The following ADAMTS20 variants were observed in gnomAD, a reference collection of about 807,000 sequenced individuals.
The protein encoded by ADAMTS20 is A disintegrin and metalloproteinase with thrombospondin motifs 20.
Under a neutral mutation model 260.1 loss-of-function variants are expected in ADAMTS20, and 225 were observed. The ratio of observed to expected loss-of-function variants is 0.87; its 90% CI spans 0.78 to 0.97. The LOEUF (loss-of-function observed/expected upper bound fraction) is 0.97. Among genes scored for constraint, ADAMTS20 ranks in the 50% least tolerant of loss-of-function variants. The probability of loss-of-function intolerance (pLI) is 0.00; values close to 1 mark genes in which losing one functional copy is unlikely to be tolerated. For missense variants in ADAMTS20, 2,400 were observed against 2,337.7 expected (o/e 1.03, Z -0.55); for synonymous variants, 802 against 769.5 (o/e 1.04, Z -0.70).
At chr12:43,550,827 C>T in intron 2 of ADAMTS20, 82 bp downstream of exon 2, 1 of 1,444,604 alleles carries the variant, frequency 6.9e-7, no homozygotes, top group East Asian at 2.5e-5. Context: ...CAGCCACCAA[C>T]TCGAAAACCC....
chr12:43,356,842 C>T (rs753690445), intron 37 of ADAMTS20, among the ~76,000 whole-genome samples: 5 of 152,172 alleles, frequency 3.3e-5, no homozygotes, highest in Non-Finnish European at 1.5e-5. Flanking sequence ...CTACACGTTC[C>T]ATTTTTGACC....
intron 14 of ADAMTS20, among the ~76,000 whole-genome samples, chr12:43,448,906 T>G (rs1361715501): frequency 6.6e-6 from 1 of 152,120 alleles, no homozygotes; most frequent in Non-Finnish European, 1.5e-5. Context: ...CACTGATCAT[T>G]AGAGAAATGC....
At chr12:43,526,068 A>T (rs1448120077) in intron 3 of ADAMTS20, among the ~76,000 whole-genome samples, 3 of 152,260 alleles carry the variant, frequency 2.0e-5, no homozygotes, top group Admixed American at 2.0e-4. Flanking sequence ...CCAAAACTGC[A>T]GAATACACAT....
chr12:43,535,241 T>C (rs1215208163), intron 2 of ADAMTS20, among the ~76,000 whole-genome samples: 1 of 152,198 alleles, frequency 6.6e-6, no homozygotes, highest in Non-Finnish European at 1.5e-5. Context: ...CTGAAGAGAC[T>C]ATCTGAGATC....
Position 43,368,508 on chromosome 12 carries a change from A to G in ADAMTS20, c.5538+782T>C, listed in dbSNP as rs116472650. Among the ~76,000 whole-genome samples, 628 of 152,252 alleles carry G rather than the reference A, an allele frequency of 4.1e-3. 6 individuals are homozygous for G. The highest frequency in any genetic ancestry group is 0.014 in the African/African-American group (598 of 41,558). ...TATAAGCGTAACTTAGATGTCATAT[A>G]ATGAAAATTATAAATGGAATAGTCT... On this transcript the variant is annotated intron_variant, in intron 37 of 38. Coordinates refer to ENST00000389420, the MANE Select transcript of ADAMTS20 (RefSeq NM_025003.5).
At chr12:43,471,350 C>T (rs1478293512) in intron 7 of ADAMTS20, among the ~76,000 whole-genome samples, 3 of 145,906 alleles carry the variant, frequency 2.1e-5, no homozygotes, top group Non-Finnish European at 4.5e-5. Context: ...CACGGAGTCT[C>T]GCTGTTTGCT....
intron 37 of ADAMTS20, among the ~76,000 whole-genome samples, chr12:43,365,743 G>A (rs1939969952): frequency 6.6e-6 from 1 of 151,824 alleles, no homozygotes; most frequent in Admixed American, 6.6e-5. Flanking sequence ...AACAAACATA[G>A]CAGAAAAAGA....
rs769482588 is a variant in ADAMTS20 at position 43,430,449 on chromosome 12, C to T, written c.3284G>A (p.Gly1095Glu). Residue 1095 changes from glycine (G) to glutamate (E), a missense_variant, in exon 23 of 39, where the codon GGG (glycine) becomes GAG (glutamate). Gly to Glu is a moderately conservative substitution (Grantham distance 98, BLOSUM62 -2). Coordinates refer to ENST00000389420, the MANE Select transcript of ADAMTS20 (RefSeq NM_025003.5). ...WGPCTTTCGHGYQMRDVKCVN... is the reference protein window; with the variant it reads ...WGPCTTTCGHEYQMRDVKCVN... The stretch of plus-strand genomic sequence containing the variant: ...ACATTTAACATCTCGCATCTGATAC[C>T]CATGTCCACATGTGGTTGTGCACTG... 1.2e-6 allele frequency: 2 copies of T among 1,612,440 alleles called. No individual in the cohort carries two copies. Among genetic ancestry groups the T allele is most frequent in the South Asian group, 1.1e-5 (1 of 90,874 alleles).
At chr12:43,489,831 T>C (rs752482634) in intron 7 of ADAMTS20, among the ~76,000 whole-genome samples, 2 of 151,962 alleles carry the variant, frequency 1.3e-5, no homozygotes, top group Non-Finnish European at 2.9e-5. Context: ...AGATGAAATA[T>C]ATAACAGTGA....
chr12:43,547,682 C>T (rs1943458657), intron 2 of ADAMTS20, among the ~76,000 whole-genome samples: 1 of 150,300 alleles, frequency 6.7e-6, no homozygotes, highest in African/African-American at 2.5e-5. Context: ...ACCAGTTTAC[C>T]TGGAGAAGGT....
intron 3 of ADAMTS20, among the ~76,000 whole-genome samples, chr12:43,531,549 C>A (rs1280642379): frequency 6.6e-6 from 1 of 152,014 alleles, no homozygotes; most frequent in Non-Finnish European, 1.5e-5. Context: ...TAAGAAATAT[C>A]ATATGACCTT....
chr12:43,511,204 G>A lies in ADAMTS20; in HGVS notation c.614-8799C>T, dbSNP rs867369831. 4.6e-5 allele frequency among the ~76,000 whole-genome samples: 7 copies of A among 152,062 alleles called. No homozygotes were observed. The South Asian group carries it at 1.5e-3, about 32-fold the overall frequency. ...AATAATGAATACAAAATTAGACACG[G>A]AGTCTCCCAAATGTTCCCGCTGTCT... On this transcript the variant is annotated intron_variant, in intron 3 of 38. Transcript: ENST00000389420.
At chr12:43,457,814 C>T (rs138200263) in intron 11 of ADAMTS20, among the ~76,000 whole-genome samples, 1,623 of 152,328 alleles carry the variant, frequency 0.011, 14 homozygotes, top group Non-Finnish European at 0.018. Flanking sequence ...CCACTCTTGT[C>T]CCCGACAGTT....
chr12:43,432,845 T>C, intron 19 of ADAMTS20, 34 bp from the exon 20 acceptor site: 5 of 1,523,508 alleles, frequency 3.3e-6, no homozygotes, highest in Middle Eastern at 1.7e-4. Flanking sequence ...TTAGGAGGTA[T>C]ATTACATAAT....
chr12:43,485,824 C>G (rs2137420758), intron 7 of ADAMTS20, among the ~76,000 whole-genome samples: 1 of 152,046 alleles, frequency 6.6e-6, no homozygotes, highest in Admixed American at 6.6e-5. Context: ...TTTACAACAG[C>G]TGCAAAAAAT....
intron 3 of ADAMTS20, among the ~76,000 whole-genome samples, chr12:43,528,704 C>T (rs1009568165): frequency 3.3e-5 from 5 of 151,982 alleles, no homozygotes; most frequent in African/African-American, 9.7e-5. Context: ...CATAAAAATC[C>T]TAGAAGAAAC....
intron 15 of ADAMTS20, among the ~76,000 whole-genome samples, chr12:43,444,151 G>A (rs780571198): frequency 3.3e-5 from 5 of 151,986 alleles, no homozygotes; most frequent in Non-Finnish European, 5.9e-5. Flanking sequence ...AATATAGAAT[G>A]GAATGAAGCT....
At chr12:43,546,727 A>G (rs937481567) in intron 2 of ADAMTS20, among the ~76,000 whole-genome samples, 1 of 152,238 alleles carries the variant, frequency 6.6e-6, no homozygotes, top group African/African-American at 2.4e-5. Context: ...GATTAAAAAC[A>G]TAGAGTTTGA....
chr12:43,533,038 A>T (rs275388), intron 2 of ADAMTS20, among the ~76,000 whole-genome samples: 3,480 of 32,560 alleles, frequency 0.11, 147 homozygotes, highest in Non-Finnish European at 0.17. Flanking sequence ...TCTTTATAGC[A>T]GCATGATTTA....
Sources: allele counts gnomAD v4.1 joint callset (sites outside exome capture counted in the v4.1 genomes callset), GRCh38; gene constraint gnomAD v4.1.1; transcripts MANE v1.5; gene names NCBI Gene and HGNC (gene_info 2026-07-23, HGNC 2026-07-21).